Variants in LRRIQ3 observed in about 807,000 individuals in gnomAD.
The protein encoded by LRRIQ3 is leucine-rich repeat and IQ domain-containing protein 3.
LRRIQ3 carries 75 observed loss-of-function variants against 59.3 expected under a neutral mutation model. The ratio of observed to expected loss-of-function variants is 1.26; its 90% confidence interval spans 1.05 to 1.53. LRRIQ3 has a LOEUF of 1.53. Among genes scored for constraint, LRRIQ3 ranks in the 40% most tolerant of loss-of-function variants. The pLI, the probability that LRRIQ3 is intolerant of heterozygous loss-of-function variation, is 0.00. For missense variants in LRRIQ3, 831 were observed against 710.0 expected (o/e 1.17, Z -1.94); for synonymous variants, 250 against 231.3 (o/e 1.08, Z -0.73).
intron 1 of LRRIQ3, among the ~76,000 whole-genome samples, chr1:74,196,759 A>T (rs1651173027): frequency 6.6e-6 from 1 of 152,076 alleles, no homozygotes; most frequent in Non-Finnish European, 1.5e-5. Context: ...AATCTGACCA[A>T]CTTCTCACCA....
At chr1:74,137,383 C>T (rs554944706) in intron 4 of LRRIQ3, among the ~76,000 whole-genome samples, 8 of 151,940 alleles carry the variant, frequency 5.3e-5, no homozygotes, top group Non-Finnish European at 1.2e-4. Flanking sequence ...CAAATCAAAA[C>T]CACAATGAGA....
At chr1:74,074,817 C>T (rs373577593) in intron 5 of LRRIQ3, 27 bp from the exon 6 acceptor site, 4 of 1,130,906 alleles carry the variant, frequency 3.5e-6, no homozygotes, top group African/African-American at 1.6e-5. Flanking sequence ...AAAGCAATGA[C>T]AATGATAATA....
At chr1:74,136,346 A>G (rs1014008705) in intron 4 of LRRIQ3, among the ~76,000 whole-genome samples, 1 of 151,928 alleles carries the variant, frequency 6.6e-6, no homozygotes, top group African/African-American at 2.4e-5. Context: ...TCCTCCAGAA[A>G]TAGAGAAAGA....
At position 74,026,982 on chromosome 1, in the gene LRRIQ3, A is replaced by C. The variant is rs776007625; in HGVS notation, c.1719-13T>G. ...TATTTCTTGAGATCTAAGAGGAGAAAGAAAGGTAATAGAATGAGATACTTT... is the reference window on the plus strand; with the variant it reads ...TATTTCTTGAGATCTAAGAGGAGAACGAAAGGTAATAGAATGAGATACTTT... On this transcript the variant is annotated splice_polypyrimidine_tract_variant and intron_variant, in intron 7 of 7. Coordinates refer to ENST00000354431, the MANE Select transcript of LRRIQ3 (RefSeq NM_001105659.2). The C allele has an allele frequency of 6.7e-7, 1 of 1,482,388 alleles. No individual in the cohort carries two copies. The highest frequency in any genetic ancestry group is 2.0e-5 in the Admixed American group (1 of 49,756). The allele number at this position is 1,482,388 out of a possible 1,614,324, so 91.8% of individuals were successfully genotyped here. A position where few individuals can be genotyped will look rare whatever the true frequency, so the allele number is the denominator to read the frequency against.
chr1:74,040,278 T>C (rs948784347), intron 7 of LRRIQ3, among the ~76,000 whole-genome samples: 1 of 152,108 alleles, frequency 6.6e-6, no homozygotes, highest in African/African-American at 2.4e-5. Flanking sequence ...CAGCAGCACC[T>C]GGATCCATAA....
At chr1:74,033,014 T>C (rs777901547) in intron 7 of LRRIQ3, among the ~76,000 whole-genome samples, 1 of 151,988 alleles carries the variant, frequency 6.6e-6, no homozygotes, top group African/African-American at 2.4e-5. Context: ...TAAAATTTCG[T>C]TGGGAAATAG....
intron 4 of LRRIQ3, among the ~76,000 whole-genome samples, chr1:74,152,137 T>C (rs1648029135): frequency 6.6e-6 from 1 of 151,880 alleles, no homozygotes; most frequent in East Asian, 1.9e-4. Flanking sequence ...AAGAAAATTA[T>C]ATAAGACATG....
Position 74,124,579 on chromosome 1 carries a change from G to GAT in LRRIQ3, c.708-15028_708-15027dup, listed in dbSNP as rs1646908557. The stretch of plus-strand genomic sequence containing the variant: ...GTCCAATATCATTGCTCTGACTGCA[G>GAT]ATACCCAATTTTCCCAACACCACTT... On this transcript the variant is annotated intron_variant, in intron 4 of 7. Coordinates refer to ENST00000354431, the MANE Select transcript of LRRIQ3 (RefSeq NM_001105659.2). Among the ~76,000 whole-genome samples the GAT allele has an allele frequency of 2.0e-5, 3 of 152,040 alleles. No homozygotes were observed. In the South Asian group the frequency reaches 6.2e-4, roughly 32 times the overall value.
chr1:74,187,353 T>TATACACACACAC, intron 1 of LRRIQ3, among the ~76,000 whole-genome samples: 5 of 55,390 alleles, frequency 9.0e-5, no homozygotes, highest in African/African-American at 2.4e-4. Context: ...GGTATATGTT[T>TATACACACACAC]ACACACACAC....
chr1:74,111,531 A>G (rs1161118118), intron 4 of LRRIQ3, among the ~76,000 whole-genome samples: 1 of 152,058 alleles, frequency 6.6e-6, no homozygotes, highest in Non-Finnish European at 1.5e-5. Context: ...GAAAAGGATC[A>G]TGTTGGGGAG....
intron 6 of LRRIQ3, among the ~76,000 whole-genome samples, chr1:74,063,141 AC>A (rs1321600118): frequency 3.4e-4 from 52 of 151,166 alleles, no homozygotes; most frequent in East Asian, 1.4e-3. Flanking sequence ...AACAACAACA[AC>A]AACAACAACA....
rs115964557 is a variant in LRRIQ3, at chr1:74,110,409, C to T, written c.708-856G>A. 7.3e-3 allele frequency among the ~76,000 whole-genome samples: 1,108 copies of T among 151,866 alleles called. 10 individuals carry two copies. Among genetic ancestry groups the T allele is most frequent in the African/African-American group, 0.025 (1,029 of 41,462 alleles). On this transcript the variant is annotated intron_variant, in intron 4 of 7. Transcript: ENST00000354431. Reference sequence around the variant, plus strand: ...TGATCATGTATTGTAAAACTCACTACGTCAACAAATTAGTGGAGGAAAAAA... The same window carrying T: ...TGATCATGTATTGTAAAACTCACTATGTCAACAAATTAGTGGAGGAAAAAA...
intron 3 of LRRIQ3, among the ~76,000 whole-genome samples, chr1:74,173,918 A>G (rs1440024639): frequency 6.6e-6 from 1 of 151,558 alleles, no homozygotes; most frequent in Non-Finnish European, 1.5e-5. Context: ...TGGGTTTTTT[A>G]TTGTTGTTTA....
chr1:74,182,964 A>G (rs1435706283), intron 2 of LRRIQ3, 103 bp from the exon 3 acceptor site: 2 of 611,320 alleles, frequency 3.3e-6, no homozygotes, highest in Non-Finnish European at 5.2e-6. Flanking sequence ...TTCCCCAAAT[A>G]GCAAGTTTCT....
chr1:74,144,892 A>T (rs1483226080), intron 4 of LRRIQ3, among the ~76,000 whole-genome samples: 1 of 151,860 alleles, frequency 6.6e-6, no homozygotes, highest in East Asian at 1.9e-4. Context: ...GAAATTTTTG[A>T]GGAAAAATGA....
intron 4 of LRRIQ3, chr1:74,138,356 TCAGCTATTCCTTCTGAG>T (rs1647164460): frequency 3.2e-6 from 1 of 310,750 alleles, no homozygotes; most frequent in African/African-American, 2.2e-5. Context: ...AAGTCTATTT[TCAGCTATTCCTTCTGAG>T]TAAACTGGGG....
At chr1:74,168,427 A>G (rs1649125266) in intron 3 of LRRIQ3, among the ~76,000 whole-genome samples, 1 of 152,014 alleles carries the variant, frequency 6.6e-6, no homozygotes, top group East Asian at 1.9e-4. Flanking sequence ...TAATTTTTGT[A>G]TGATACATAT....
At chr1:74,100,051 G>C (rs1311232599) in intron 5 of LRRIQ3, among the ~76,000 whole-genome samples, 1 of 152,048 alleles carries the variant, frequency 6.6e-6, no homozygotes, top group Admixed American at 6.6e-5. Context: ...TGGAAGTTCT[G>C]GCCAGGGCAA....
In LRRIQ3 at chr1:74,175,602, C is replaced by A. The variant is rs1429462946; in HGVS notation, c.573+6936G>T. On this transcript the variant is annotated intron_variant, in intron 3 of 7. Coordinates refer to ENST00000354431, the MANE Select transcript of LRRIQ3 (RefSeq NM_001105659.2). ...TTCCTTTTATCCTTTTAACATTCTT[C>A]CCCAGATTTTGCACTCTACTGGGTG... Among the ~76,000 whole-genome samples the A allele has an allele frequency of 2.0e-5, 3 of 152,116 alleles. No homozygotes were observed. In the East Asian group the frequency reaches 5.8e-4, roughly 29 times the overall value.
Sources: gnomAD v4.1 joint callset for allele counts (sites outside exome capture counted in the v4.1 genomes callset) on GRCh38, gnomAD v4.1.1 for gene constraint, MANE v1.5 for transcripts, NCBI Gene and HGNC (gene_info 2026-07-23, HGNC 2026-07-21) for gene names.